Variants in NCK1 observed in about 807,000 individuals in gnomAD.
NCK1 encodes SH2/SH3 adapter protein NCK1.
Under a neutral mutation model 36.6 loss-of-function variants are expected in NCK1, and 19 were observed. That is an observed-to-expected ratio of 0.52 (90% confidence interval 0.36 to 0.76). NCK1 has a LOEUF of 0.76. NCK1 is among the 30% of genes least tolerant of loss of function. NCK1 has a pLI of 0.00. For synonymous variants in NCK1, 165 were observed against 156.0 expected, an observed-to-expected ratio of 1.06 and a Z score of -0.43; for missense variants, 358 against 445.6, an observed-to-expected ratio of 0.80 and a Z score of 1.77.
intron 1 of NCK1, among the ~76,000 whole-genome samples, chr3:136,872,102 A>G (rs755411716): frequency 3.3e-5 from 5 of 152,336 alleles, no homozygotes; most frequent in Non-Finnish European, 7.4e-5. Flanking sequence ...GGAACTGGGT[A>G]ACAGGCAGAG....
Position 136,919,437 on chromosome 3 carries a change from C to A in NCK1, c.-18-8547C>A, listed in dbSNP as rs1191343802. 4.1e-4 allele frequency among the ~76,000 whole-genome samples: 63 copies of A among 151,952 alleles called. 1 individual carries two copies. Among genetic ancestry groups the A allele is most frequent in the Admixed American group, 4.1e-3 (62 of 15,242 alleles). On this transcript the variant is annotated intron_variant, in intron 1 of 3. Transcript: ENST00000481752. ...TATATTGACAGTTTTGTAGATCTTACAAATACTGACAATGTAATTGAATTT... is the reference window on the plus strand; with the variant it reads ...TATATTGACAGTTTTGTAGATCTTAAAAATACTGACAATGTAATTGAATTT...
chr3:136,871,593 A>G (rs1274161844), intron 1 of NCK1, among the ~76,000 whole-genome samples: 1 of 152,086 alleles, frequency 6.6e-6, no homozygotes, highest in Non-Finnish European at 1.5e-5. Context: ...TTCCCTCTCA[A>G]AGGTAATCAC....
At chr3:136,914,372 G>T (rs969105310) in intron 1 of NCK1, among the ~76,000 whole-genome samples, 11 of 152,140 alleles carry the variant, frequency 7.2e-5, no homozygotes, top group African/African-American at 2.7e-4. Flanking sequence ...CCTGGAACTT[G>T]CAAGCCTTAG....
intron 2 of NCK1, among the ~76,000 whole-genome samples, chr3:136,940,874 CA>C (rs1267613695): frequency 3.9e-5 from 6 of 152,072 alleles, no homozygotes; most frequent in Admixed American, 2.6e-4. Flanking sequence ...ATAGCCACCC[CA>C]CTCTCTCAGT....
chr3:136,889,658 G>A (rs1411216495), intron 1 of NCK1, among the ~76,000 whole-genome samples: 1 of 152,032 alleles, frequency 6.6e-6, no homozygotes, highest in African/African-American at 2.4e-5. Flanking sequence ...TGATTGGTGC[G>A]TTTACAATCC....
At chr3:136,909,819 T>C (rs995863432) in intron 1 of NCK1, among the ~76,000 whole-genome samples, 38 of 152,368 alleles carry the variant, frequency 2.5e-4, no homozygotes, top group African/African-American at 8.4e-4. Flanking sequence ...TTTTTATTAA[T>C]GTATAGTATC....
chr3:136,880,947 C>G (rs893694573), intron 1 of NCK1, among the ~76,000 whole-genome samples: 5 of 152,140 alleles, frequency 3.3e-5, no homozygotes, highest in African/African-American at 1.2e-4. Flanking sequence ...AAGTACACTC[C>G]AGGTCTGCTT....
intron 1 of NCK1, among the ~76,000 whole-genome samples, chr3:136,862,665 GTCGAGT>G (rs1938264784): frequency 6.2e-5 from 1 of 16,238 alleles, no homozygotes; most frequent in Non-Finnish European, 1.5e-4. Flanking sequence ...AGCCTGGGAG[GTCGAGT>G]GTGCGGCGCG....
chr3:136,932,118 C>CA (rs1288026754), intron 2 of NCK1, among the ~76,000 whole-genome samples: 1,691 of 58,364 alleles, frequency 0.029, 28 homozygotes, highest in East Asian at 0.099. Flanking sequence ...GACTCCATCT[C>CA]AAAAAAAAAA....
intron 1 of NCK1, among the ~76,000 whole-genome samples, chr3:136,896,602 A>G (rs559871363): frequency 5.3e-4 from 81 of 152,156 alleles, no homozygotes; most frequent in African/African-American, 1.8e-3. Context: ...CAGTGGTGCA[A>G]TCATGGCTCA....
intron 1 of NCK1, among the ~76,000 whole-genome samples, chr3:136,880,279 C>A (rs1285994026): frequency 8.7e-5 from 13 of 149,854 alleles, no homozygotes; most frequent in African/African-American, 3.2e-4. Flanking sequence ...AGCGAGACTC[C>A]GTCTCAAAAA....
intron 1 of NCK1, among the ~76,000 whole-genome samples, chr3:136,926,637 G>A (rs1485610109): frequency 6.6e-6 from 1 of 152,018 alleles, no homozygotes; most frequent in Non-Finnish European, 1.5e-5. Flanking sequence ...CACTCCTCTT[G>A]CTACATCCCA....
chr3:136,940,299 A>G (rs1037294340), intron 2 of NCK1, among the ~76,000 whole-genome samples: 23 of 152,294 alleles, frequency 1.5e-4, no homozygotes, highest in African/African-American at 5.5e-4. Flanking sequence ...TAGTTGGTTT[A>G]TAGTACTGCT....
At chr3:136,869,270 G>C (rs551706701) in intron 1 of NCK1, among the ~76,000 whole-genome samples, 1 of 151,890 alleles carries the variant, frequency 6.6e-6, no homozygotes, top group South Asian at 2.1e-4. Context: ...TGTTCCGCTA[G>C]GCCTGATGGC....
chr3:136,944,149 T>TTGCCCTG (rs1305689398), intron 2 of NCK1, among the ~76,000 whole-genome samples: 7 of 119,436 alleles, frequency 5.9e-5, no homozygotes, highest in Non-Finnish European at 1.0e-4. Context: ...AGACAGAGTC[T>TTGCCCTG]TGCCCTGTCG....
chr3:136,867,145 C>G (rs1284019186), intron 1 of NCK1, among the ~76,000 whole-genome samples: 1 of 51,422 alleles, frequency 1.9e-5, no homozygotes, highest in African/African-American at 6.6e-5. Context: ...TCCTTCCTTC[C>G]TTCCTTCCTT....
At chr3:136,936,511 G>A in intron 2 of NCK1, among the ~76,000 whole-genome samples, 1 of 152,192 alleles carries the variant, frequency 6.6e-6, no homozygotes, top group Admixed American at 6.5e-5. Flanking sequence ...ATACCTAAAA[G>A]TGGAATTGCT....
intron 1 of NCK1, among the ~76,000 whole-genome samples, chr3:136,914,277 C>A (rs1939902414): frequency 6.6e-6 from 1 of 152,166 alleles, no homozygotes. Flanking sequence ...GCGTGTCTGC[C>A]TGGAGATTGG....
intron 1 of NCK1, among the ~76,000 whole-genome samples, chr3:136,888,859 T>G (rs1939148009): frequency 6.6e-6 from 1 of 151,948 alleles, no homozygotes. Context: ...TCAATGTTTT[T>G]TTTGTTGTTT....
Sources: allele counts gnomAD v4.1 joint callset (sites outside exome capture counted in the v4.1 genomes callset), GRCh38; gene constraint gnomAD v4.1.1; transcripts MANE v1.5; gene names NCBI Gene and HGNC (gene_info 2026-07-23, HGNC 2026-07-21).